Variants in RYR2 observed in about 807,000 individuals in gnomAD.
RYR2 encodes cardiac muscle ryanodine receptor-calcium release channel.
In RYR2, 227 loss-of-function variants were observed where a neutral mutation model predicts 601.1. That is an observed-to-expected ratio of 0.38 (90% CI 0.34 to 0.42). The LOEUF (loss-of-function observed/expected upper bound fraction) is 0.42, where lower values mean the gene tolerates loss of function less well. Ranked by LOEUF, RYR2 falls within the 10% of genes least tolerant of loss-of-function variation. RYR2 has a pLI of 1.00. For synonymous variants in RYR2, 2,223 were observed against 2,175.1 expected, an observed-to-expected ratio of 1.02 and a Z score of -0.61; for missense variants, 4,646 against 6,156.5, an observed-to-expected ratio of 0.75 and a Z score of 8.21.
chr1:237,655,770 A>G, intron 52 of RYR2, 51 bp from the exon 53 acceptor site: 3 of 1,520,384 alleles, frequency 2.0e-6, no homozygotes, highest in Non-Finnish European at 2.7e-6. Context: ...GATCATGCTG[A>G]CAACTTTTGC....
intron 34 of RYR2, among the ~76,000 whole-genome samples, chr1:237,598,644 A>G (rs1388829442): frequency 3.3e-5 from 5 of 152,206 alleles, no homozygotes; most frequent in Non-Finnish European, 5.9e-5. Context: ...ACCAAAAGCT[A>G]TGGGATACAG....
chr1:237,408,145 T>G (rs2149982070), intron 10 of RYR2, among the ~76,000 whole-genome samples: 1 of 152,164 alleles, frequency 6.6e-6, no homozygotes, highest in South Asian at 2.1e-4. Context: ...TGCAAGAACA[T>G]CTAGATTTTC....
At chr1:237,470,044 T>C (rs915353458) in intron 17 of RYR2, among the ~76,000 whole-genome samples, 1 of 152,228 alleles carries the variant, frequency 6.6e-6, no homozygotes, top group African/African-American at 2.4e-5. Flanking sequence ...ATGAATCTAC[T>C]GCTCTTCCAT....
chr1:237,488,934 T>C (rs967373194), intron 17 of RYR2, among the ~76,000 whole-genome samples: 3 of 152,038 alleles, frequency 2.0e-5, no homozygotes, highest in Non-Finnish European at 2.9e-5. Context: ...TTTCAACATA[T>C]CAATTTTGGA....
In RYR2 at chr1:237,745,411, G is replaced by A. The variant is rs1364063223; in HGVS notation, c.11145+3062G>A. 2.0e-5 allele frequency among the ~76,000 whole-genome samples: 3 copies of A among 152,260 alleles called. No individual in the cohort carries two copies. In the East Asian group the frequency reaches 5.8e-4, roughly 29 times the overall value. ...AAGGGCTCTCCTAACATTAAGTAAA[G>A]AACTGATTTCCTAAGTAGCATAAAA... On this transcript the variant is annotated intron_variant, in intron 80 of 104. Coordinates refer to ENST00000366574, the MANE Select transcript of RYR2 (RefSeq NM_001035.3).
chr1:237,604,407 G>A (rs1385324992), intron 35 of RYR2, among the ~76,000 whole-genome samples: 2 of 151,902 alleles, frequency 1.3e-5, no homozygotes, highest in Non-Finnish European at 2.9e-5. Flanking sequence ...AGAATCTCTG[G>A]GACACATTTA....
At chr1:237,229,986 A>G (rs1402285381) in intron 1 of RYR2, among the ~76,000 whole-genome samples, 3 of 152,064 alleles carry the variant, frequency 2.0e-5, no homozygotes, top group Non-Finnish European at 2.9e-5. Context: ...CTTTTTTTAT[A>G]TAGAGCTTTG....
intron 80 of RYR2, among the ~76,000 whole-genome samples, chr1:237,755,632 T>C (rs1174693229): frequency 6.6e-6 from 1 of 152,188 alleles, no homozygotes; most frequent in Non-Finnish European, 1.5e-5. Flanking sequence ...GTAGCTTAAG[T>C]GGAAAAGAAT....
At chr1:237,100,195 T>C (rs768600022) in intron 1 of RYR2, among the ~76,000 whole-genome samples, 2 of 152,060 alleles carry the variant, frequency 1.3e-5, no homozygotes, top group Non-Finnish European at 2.9e-5. Context: ...AAAAATAAAA[T>C]GAAAAAGCAA....
At chr1:237,789,032 ATGTG>A (rs1658014825) in intron 92 of RYR2, among the ~76,000 whole-genome samples, 1 of 151,358 alleles carries the variant, frequency 6.6e-6, no homozygotes, top group South Asian at 2.1e-4. Context: ...GTATAATTAT[ATGTG>A]TGTATATATG....
chr1:237,765,069 A>G (rs1308999742), intron 84 of RYR2, among the ~76,000 whole-genome samples: 6 of 151,808 alleles, frequency 4.0e-5, no homozygotes, highest in Non-Finnish European at 8.8e-5. Context: ...TCTTCAGGAA[A>G]TGTGTTAGTT....
At chr1:237,825,997 T>C (rs1240378889) in intron 101 of RYR2, among the ~76,000 whole-genome samples, 1 of 152,076 alleles carries the variant, frequency 6.6e-6, no homozygotes, top group Non-Finnish European at 1.5e-5. Context: ...ATGGCGATCA[T>C]TAAAAAGTCA....
intron 36 of RYR2, 131 bp from the exon 37 acceptor site, chr1:237,613,908 G>A: frequency 1.3e-6 from 1 of 780,240 alleles, no homozygotes; most frequent in Non-Finnish European, 2.0e-6. Context: ...GATTAGGGAT[G>A]TTCAACCTGC....
chr1:237,349,365 G>A (rs1286677754), intron 3 of RYR2, among the ~76,000 whole-genome samples: 2 of 152,078 alleles, frequency 1.3e-5, no homozygotes, highest in Non-Finnish European at 1.5e-5. Flanking sequence ...TACTTCAAAA[G>A]TGAGAGTGAA....
chr1:237,612,733 A>G (rs1489833005), intron 36 of RYR2, among the ~76,000 whole-genome samples: 1 of 152,160 alleles, frequency 6.6e-6, no homozygotes, highest in African/African-American at 2.4e-5. Context: ...TTGTGTCTCT[A>G]CTGAGCATGG....
chr1:237,510,235 G>A (rs1665749604), intron 23 of RYR2, among the ~76,000 whole-genome samples: 1 of 152,164 alleles, frequency 6.6e-6, no homozygotes, highest in Admixed American at 6.5e-5. Context: ...CGTGATTACA[G>A]GAGATGTTTT....
At position 237,543,193 on chromosome 1, in the gene RYR2, C is replaced by T. The variant is rs56724372; in HGVS notation, c.2907-5238C>T. Among the ~76,000 whole-genome samples the T allele has an allele frequency of 6.1e-3, 935 of 152,210 alleles. 8 individuals are homozygous for T. The highest frequency in any genetic ancestry group is 0.022 in the African/African-American group (899 of 41,526). ...CCCTCTCTCTCTCTTGAAATGCCTC[C>T]TTCTTGAGAGCAGTGGATACTTCAT... On this transcript the variant is annotated intron_variant, in intron 25 of 104. Transcript: ENST00000366574.
intron 104 of RYR2, 58 bp from the exon 105 acceptor site, chr1:237,832,492 TTA>T: frequency 9.0e-7 from 1 of 1,107,156 alleles, no homozygotes; most frequent in Non-Finnish European, 1.4e-6. Context: ...AGTTTCTACC[TTA>T]TGTTTTGTTA....
intron 2 of RYR2, among the ~76,000 whole-genome samples, chr1:237,324,832 TATGTCAAAGG>T (rs1695994397): frequency 6.6e-6 from 1 of 152,172 alleles, no homozygotes; most frequent in African/African-American, 2.4e-5. Flanking sequence ...ATACCTGTGT[TATGTCAAAGG>T]TCACTTGGAG....
Sources: allele counts gnomAD v4.1 joint callset (sites outside exome capture counted in the v4.1 genomes callset), GRCh38; gene constraint gnomAD v4.1.1; transcripts MANE v1.5; gene names NCBI Gene and HGNC (gene_info 2026-07-23, HGNC 2026-07-21).